DCLRE1A: variants seen among roughly 807,000 people sequenced by gnomAD.
DCLRE1A encodes the protein DNA cross-link repair 1A.
In DCLRE1A, 64 loss-of-function variants were observed where a neutral mutation model predicts 91.9. That is an observed-to-expected ratio of 0.70 (90% CI 0.57 to 0.86). DCLRE1A has a LOEUF of 0.86. Ranked by LOEUF, DCLRE1A falls within the 40% of genes least tolerant of loss-of-function variation. DCLRE1A has a pLI of 0.00. For missense variants in DCLRE1A, 1,145 were observed against 1,213.3 expected, an observed-to-expected ratio of 0.94 and a Z score of 0.84; for synonymous variants, 416 against 431.1, an observed-to-expected ratio of 0.96 and a Z score of 0.43.
chr10:113,847,341 A>G lies in DCLRE1A; in HGVS notation c.2126-6T>C. ...ATCAACTGTAAAGCCGGTTCCTGCAATAAAAATACCGACACAGTAGGTTGA... is the reference window on the plus strand; with the variant it reads ...ATCAACTGTAAAGCCGGTTCCTGCAGTAAAAATACCGACACAGTAGGTTGA... On this transcript the variant is annotated splice_polypyrimidine_tract_variant and splice_region_variant and intron_variant, in intron 2 of 8. Coordinates refer to ENST00000361384, the MANE Select transcript of DCLRE1A (RefSeq NM_014881.5). 6.2e-7 allele frequency: 1 copy of G among 1,613,414 alleles called. No individual in the cohort carries two copies. The highest frequency in any genetic ancestry group is 1.1e-5 in the South Asian group (1 of 90,998).
chr10:113,840,406 A>G (rs946907078), intron 7 of DCLRE1A, among the ~76,000 whole-genome samples: 1 of 152,190 alleles, frequency 6.6e-6, no homozygotes, highest in Non-Finnish European at 1.5e-5. Context: ...GGCCATATGC[A>G]TCAGAACGCA....
intron 2 of DCLRE1A, 30 bp downstream of exon 2, chr10:113,848,950 G>A (rs764373038): frequency 3.2e-6 from 5 of 1,576,152 alleles, no homozygotes; most frequent in Non-Finnish European, 4.3e-6. Flanking sequence ...TGTCTTTGTT[G>A]ATATATCGAG....
chr10:113,837,576 A>G (rs1239675133), intron 7 of DCLRE1A, among the ~76,000 whole-genome samples: 1 of 152,202 alleles, frequency 6.6e-6, no homozygotes, highest in African/African-American at 2.4e-5. Flanking sequence ...CAATGCAAAC[A>G]TATCTCCATG....
rs908051223 is a variant in DCLRE1A, at chr10:113,849,076, G to C, written c.2029C>G (p.His677Asp). The change falls in exon 2 of 9, where the codon CAT becomes GAT. Residue 677 changes from histidine to aspartate, a missense_variant. His to Asp is a moderately conservative substitution (Grantham distance 81, BLOSUM62 -1). Transcript: ENST00000361384. ...SKVKVFTKSA[H>D]GGLQRGNKKI... is the part of the protein sequence containing the mutation. ...TTGTTGCCCCTTTGCAGCCCACCAT[G>C]AGCTGATTTTGTGAAGACTTTGACT... The C allele has an allele frequency of 1.2e-6, 2 of 1,614,074 alleles. No homozygotes were observed. Among genetic ancestry groups the C allele is most frequent in the South Asian group, 2.2e-5 (2 of 91,078 alleles).
chr10:113,850,394 CT>C lies in DCLRE1A; in HGVS notation c.710del (p.Lys237SerfsTer5), dbSNP rs1268746855. The part of the protein sequence containing the change: ...DPLLMTQYFK[K>X]SPSLTEASEK... ...CACTGGCTTCAGTCAGAGACGGAGA[CT>C]TTTTAAAATACTGTGTCATCAATAA... On this transcript the variant is annotated frameshift_variant, in exon 2 of 9. Transcript: ENST00000361384. LOFTEE classifies it high-confidence loss of function. The C allele has an allele frequency of 6.2e-7, 1 of 1,614,172 alleles. No homozygotes were observed. Among genetic ancestry groups the C allele is most frequent in the Non-Finnish European group, 8.5e-7 (1 of 1,180,040 alleles).
intron 7 of DCLRE1A, among the ~76,000 whole-genome samples, chr10:113,838,355 T>G (rs1845394333): frequency 6.6e-6 from 1 of 152,198 alleles, no homozygotes; most frequent in African/African-American, 2.4e-5. Flanking sequence ...GAGTCCAACT[T>G]TCAATACACA....
chr10:113,843,257 A>G (rs1845475907), intron 5 of DCLRE1A, among the ~76,000 whole-genome samples: 1 of 152,218 alleles, frequency 6.6e-6, no homozygotes, highest in African/African-American at 2.4e-5. Context: ...TTGCTAGTCA[A>G]CTACTAGAGA....
At chr10:113,839,687 G>A (rs1358484726) in intron 7 of DCLRE1A, among the ~76,000 whole-genome samples, 6 of 152,176 alleles carry the variant, frequency 3.9e-5, no homozygotes, top group East Asian at 1.9e-4. Context: ...CACTTTCTGC[G>A]AGCTTACAGC....
chr10:113,849,054 T>C lies in DCLRE1A; in HGVS notation c.2051A>G (p.Asn684Ser). ...KSAHGGLQRG[N>S]KKIPESSNVG... The stretch of plus-strand genomic sequence containing the variant: ...ATTAGATGACTCTGGGATTTTCTTG[T>C]TGCCCCTTTGCAGCCCACCATGAGC... The change falls in exon 2 of 9, where the codon AAC becomes AGC. Residue 684 changes from asparagine (N) to serine (S), a missense_variant. Transcript: ENST00000361384. 2.5e-6 allele frequency: 4 copies of C among 1,614,178 alleles called. No individual in the cohort carries two copies. Among genetic ancestry groups the C allele is most frequent in the Non-Finnish European group, 3.4e-6 (4 of 1,180,012 alleles).
chr10:113,839,028 G>C (rs766058985), intron 7 of DCLRE1A, among the ~76,000 whole-genome samples: 5 of 152,090 alleles, frequency 3.3e-5, no homozygotes, highest in African/African-American at 4.8e-5. Context: ...CGTTTTGGAG[G>C]TAAGAAATCT....
At chr10:113,840,221 G>C (rs1318231478) in intron 7 of DCLRE1A, among the ~76,000 whole-genome samples, 1 of 151,706 alleles carries the variant, frequency 6.6e-6, no homozygotes, top group Non-Finnish European at 1.5e-5. Flanking sequence ...TTGAACCTGG[G>C]AGGCAGAGGT....
Position 113,842,376 on chromosome 10 carries a change from T to C in DCLRE1A, c.2632A>G (p.Thr878Ala). The change falls in exon 6 of 9, where the codon ACT becomes GCT. Residue 878 changes from threonine to alanine, a missense_variant. By Grantham distance (58) the Thr-to-Ala change is moderately conservative (BLOSUM62 0). Coordinates refer to ENST00000361384, the MANE Select transcript of DCLRE1A (RefSeq NM_014881.5). ...ACTTTCTCTTTTCCAATAGAGTAAG[T>C]GCCACAGACAACAAGAGCATGTGGG... Reference protein sequence around the residue: ...LNPHALVVCGTYSIGKEKVFL... With the variant: ...LNPHALVVCGAYSIGKEKVFL... 6.2e-7 allele frequency: 1 copy of C among 1,613,782 alleles called. No homozygotes were observed. The highest frequency in any genetic ancestry group is 8.5e-7 in the Non-Finnish European group (1 of 1,179,748).
In DCLRE1A at chr10:113,849,339, G is replaced by T. The variant is rs755807571; in HGVS notation, c.1766C>A (p.Pro589Gln). Reference protein sequence around the residue: ...ALEGINLNPVPSPNQKRSSQC... With the variant: ...ALEGINLNPVQSPNQKRSSQC... ...CGAGGACCTCTTTTGATTAGGACTT[G>T]GAACTGGATTTAAGTTTATCCCTTC... The change falls in exon 2 of 9, where the codon CCA (proline) becomes CAA (glutamine). Residue 589 changes from proline (P) to glutamine (Q), a missense_variant. Coordinates refer to ENST00000361384, the MANE Select transcript of DCLRE1A (RefSeq NM_014881.5). 3 of 1,614,092 alleles carry T rather than the reference G, an allele frequency of 1.9e-6. No individual in the cohort carries two copies. The highest frequency in any genetic ancestry group is 1.7e-5 in the Admixed American group (1 of 60,018).
chr10:113,847,125 AATT>A, intron 3 of DCLRE1A, 74 bp downstream of exon 3: 1 of 1,330,064 alleles, frequency 7.5e-7, no homozygotes, highest in East Asian at 2.4e-5. Context: ...TTACTGGTTT[AATT>A]ATTATTTTTT....
chr10:113,837,022 CATT>C (rs753835278), intron 8 of DCLRE1A, 37 bp downstream of exon 8: 1 of 1,497,148 alleles, frequency 6.7e-7, no homozygotes. Context: ...TAATTATAAA[CATT>C]ATAAACACTA....
chr10:113,852,575 T>C, intron 1 of DCLRE1A, 148 bp downstream of exon 1: 1 of 748,058 alleles, frequency 1.3e-6, no homozygotes, highest in Non-Finnish European at 2.1e-6. Flanking sequence ...TGCTTTACAA[T>C]TATACCGTTG....
At position 113,836,999 on chromosome 10, in the gene DCLRE1A, A is replaced by AT. The variant is rs1171813360; in HGVS notation, c.2962+62dup. 4.2e-6 allele frequency: 6 copies of AT among 1,411,944 alleles called. No individual in the cohort carries two copies. The Admixed American group carries it at 1.5e-4, about 34-fold the overall frequency. 87.5% of individuals were successfully genotyped at this position (1,411,944 alleles called of 1,614,324 possible). ...TTTTGTTGGATTTGAACCTTATTACATTTTTTAAAATGTAATTATAAACAT... is the reference window on the plus strand; with the variant it reads ...TTTTGTTGGATTTGAACCTTATTACATTTTTTTAAAATGTAATTATAAACAT... On this transcript the variant is annotated intron_variant, in intron 8 of 8. Transcript: ENST00000361384.
intron 8 of DCLRE1A, among the ~76,000 whole-genome samples, chr10:113,835,987 T>C (rs1845356480): frequency 6.6e-6 from 1 of 152,126 alleles, no homozygotes; most frequent in South Asian, 2.1e-4. Flanking sequence ...ATCTGATGGT[T>C]TGAAAGTGCG....
intron 1 of DCLRE1A, among the ~76,000 whole-genome samples, chr10:113,852,205 G>A (rs374349394): frequency 1.1e-4 from 16 of 152,196 alleles, no homozygotes; most frequent in African/African-American, 3.6e-4. Flanking sequence ...GTGCGGTGGC[G>A]GGCGCCTGTA....
Sources: allele counts gnomAD v4.1 joint callset (sites outside exome capture counted in the v4.1 genomes callset), GRCh38; gene constraint gnomAD v4.1.1; transcripts MANE v1.5; gene names NCBI Gene and HGNC (gene_info 2026-07-23, HGNC 2026-07-21).